MORN4: variants seen among roughly 807,000 people sequenced by gnomAD.
MORN4 encodes the protein MORN repeat containing 4.
Under a neutral mutation model 16.4 loss-of-function variants are expected in MORN4, and 8 were observed. The observed-to-expected ratio is 0.49, with a 90% CI of 0.29 to 0.88. MORN4 has a LOEUF of 0.88. Among genes scored for constraint, MORN4 ranks in the 40% least tolerant of loss-of-function variants. MORN4 has a pLI of 0.09. For synonymous variants in MORN4, 53 were observed against 68.9 expected (o/e 0.77, Z 1.14); for missense variants, 159 against 182.9 (o/e 0.87, Z 0.75).
rs965630295 is a variant in MORN4, at chr10:97,616,844, G to C, written c.183-57C>G. The C allele has an allele frequency of 1.2e-4, 144 of 1,209,010 alleles. 2 individuals are homozygous for C. In the Admixed American group the frequency reaches 2.4e-3, roughly 20 times the overall value. The allele number at this position is 1,209,010 out of a possible 1,614,324, so 74.9% of individuals were successfully genotyped here. On this transcript the variant is annotated intron_variant, in intron 3 of 4. Transcript: ENST00000307450. ...GGAAAGTTAGCTGTCCAGATGAACG[G>C]AGTCGAGCAGCTGCTGATCTCTGTT...
At position 97,617,299 on chromosome 10, in the gene MORN4, G is replaced by C. The variant is rs575114975; in HGVS notation, c.91C>G (p.Leu31Val). 6.2e-7 allele frequency: 1 copy of C among 1,614,164 alleles called. No individual in the cohort carries two copies. Among genetic ancestry groups the C allele is most frequent in the South Asian group, 1.1e-5 (1 of 91,088 alleles). ...KEGRRHGFGQ[L>V]MFADGGTYLG... ...TAGGTGCCACCATCTGCAAACATCA[G>C]TTGACCAAAACCATGCCTGCGGCCT... The change falls in exon 3 of 5, where the codon CTG (leucine) becomes GTG (valine). Residue 31 changes from leucine to valine, a missense_variant. Coordinates refer to ENST00000307450, the MANE Select transcript of MORN4 (RefSeq NM_178832.4).
Position 97,633,417 on chromosome 10 carries a change from A to G in MORN4, c.-101T>C. On this transcript the variant is annotated 5_prime_UTR_variant, in exon 1 of 5. Coordinates refer to ENST00000307450, the MANE Select transcript of MORN4 (RefSeq NM_178832.4). The surrounding 1 kb of genome is among the most constrained non-coding windows in gnomAD (Gnocchi z 4.5). The stretch of plus-strand genomic sequence containing the variant: ...TCCAGCGCCTCGGACTTTTCCTCTG[A>G]TGGGCTCCCGGCTGCCACCTTGCTC... 15 of 1,289,758 alleles carry G rather than the reference A, an allele frequency of 1.2e-5. No individual in the cohort carries two copies. The highest frequency in any genetic ancestry group is 1.5e-5 in the Non-Finnish European group (15 of 988,804). 79.9% of individuals were successfully genotyped at this position (1,289,758 alleles called of 1,614,324 possible).
chr10:97,633,665 A>G (rs942304090), upstream of MORN4: 19 of 1,259,210 alleles, frequency 1.5e-5, no homozygotes, highest in Non-Finnish European at 1.9e-5. This position sits in a 1 kb window ranked among gnomAD's most constrained non-coding sequence, Gnocchi z 4.5. Flanking sequence ...CAACGCAGAT[A>G]AAGACAGAGG....
At chr10:97,617,806 G>C (rs907057294) in intron 2 of MORN4, among the ~76,000 whole-genome samples, 1 of 152,064 alleles carries the variant, frequency 6.6e-6, no homozygotes, top group African/African-American at 2.4e-5. Context: ...GTTTCAGTGA[G>C]CTGAGATCGC....
At chr10:97,626,140 G>T (rs1322748947) in intron 1 of MORN4, among the ~76,000 whole-genome samples, 1 of 151,364 alleles carries the variant, frequency 6.6e-6, no homozygotes, top group Non-Finnish European at 1.5e-5. Flanking sequence ...CAGCACTTTG[G>T]GAGGCTAAGA....
intron 1 of MORN4, among the ~76,000 whole-genome samples, chr10:97,627,010 G>C (rs2041354469): frequency 6.6e-6 from 1 of 151,898 alleles, no homozygotes. Context: ...TCCCGCCTTG[G>C]CCTCCCAAAG....
intron 1 of MORN4, among the ~76,000 whole-genome samples, chr10:97,631,333 GC>G (rs2041393917): frequency 6.6e-6 from 1 of 152,164 alleles, no homozygotes. Flanking sequence ...TAGATGGGTT[GC>G]AAAGGATCAG....
intron 2 of MORN4, among the ~76,000 whole-genome samples, chr10:97,618,021 A>G (rs1218526887): frequency 6.6e-6 from 1 of 151,132 alleles, no homozygotes; most frequent in Admixed American, 6.6e-5. Flanking sequence ...CTAAAACTAC[A>G]AAAAATTAGC....
chr10:97,615,826 T>C lies in MORN4; in HGVS notation c.*437A>G, dbSNP rs1322943400. 6.5e-6 allele frequency: 1 copy of C among 152,952 alleles called. No individual in the cohort carries two copies. The highest frequency in any genetic ancestry group is 1.5e-5 in the Non-Finnish European group (1 of 68,580). The allele number at this position is 152,952 out of a possible 1,614,324, so 9.5% of individuals were successfully genotyped here. On this transcript the variant is annotated 3_prime_UTR_variant, in exon 5 of 5. Transcript: ENST00000307450. Reference sequence around the variant, plus strand: ...TGCTGTACTGAGCCACCCCTATCTTTTCCCTATTTCTCCAGAGTGGCACAG... The same window carrying C: ...TGCTGTACTGAGCCACCCCTATCTTCTCCCTATTTCTCCAGAGTGGCACAG...
chr10:97,618,009 T>A (rs2135734808), intron 2 of MORN4, among the ~76,000 whole-genome samples: 1 of 151,832 alleles, frequency 6.6e-6, no homozygotes, highest in Non-Finnish European at 1.5e-5. Flanking sequence ...ACCCCGTTTC[T>A]ACTAAAACTA....
intron 1 of MORN4, among the ~76,000 whole-genome samples, chr10:97,620,505 AAAG>A (rs1300599625): frequency 0.019 from 1,969 of 104,346 alleles, 140 homozygotes; most frequent in African/African-American, 0.07. Flanking sequence ...AAAAAAAAAA[AAAG>A]AAAAAAAAAA....
chr10:97,616,127 GT>G lies in MORN4; in HGVS notation c.*135del. ...CTGTGGTCCAGTTCTGGAATGGCAG[GT>G]GACAGGGCACATACAAGGCCTCTGC... On this transcript the variant is annotated 3_prime_UTR_variant, in exon 5 of 5. Transcript: ENST00000307450. 1.2e-6 allele frequency: 1 copy of G among 854,112 alleles called. No individual in the cohort carries two copies. The highest frequency in any genetic ancestry group is 1.7e-6 in the Non-Finnish European group (1 of 587,852). The allele number at this position is 854,112 out of a possible 1,614,324, so 52.9% of individuals were successfully genotyped here. A position where few individuals can be genotyped will look rare whatever the true frequency, so the allele number is the denominator to read the frequency against.
chr10:97,623,782 C>T (rs12266310), intron 1 of MORN4, among the ~76,000 whole-genome samples: 20,167 of 150,528 alleles, frequency 0.13, 3,387 homozygotes, highest in African/African-American at 0.39. Context: ...GTTGCCCAGG[C>T]TGGAGTGCAG....
At position 97,616,253 on chromosome 10, in the gene MORN4, C is replaced by T; in HGVS notation, c.*10G>A. ...TACCCAATACTTATCAGCTGGTGCC[C>T]ACTGCGCTGTCAGGCAGTGAGATTT... On this transcript the variant is annotated 3_prime_UTR_variant, in exon 5 of 5. Coordinates refer to ENST00000307450, the MANE Select transcript of MORN4 (RefSeq NM_178832.4). 2 of 1,574,244 alleles carry T rather than the reference C, an allele frequency of 1.3e-6. No individual in the cohort carries two copies. Among genetic ancestry groups the T allele is most frequent in the Non-Finnish European group, 1.7e-6 (2 of 1,161,184 alleles).
chr10:97,628,298 A>T (rs1564768332), intron 1 of MORN4, among the ~76,000 whole-genome samples: 1 of 152,170 alleles, frequency 6.6e-6, no homozygotes. Flanking sequence ...ATTTGGAAGG[A>T]GTTATTGCAG....
intron 2 of MORN4, among the ~76,000 whole-genome samples, chr10:97,619,053 G>A (rs1270383301): frequency 6.6e-6 from 1 of 152,210 alleles, no homozygotes; most frequent in Non-Finnish European, 1.5e-5. Flanking sequence ...GGCCGGGCAT[G>A]GTGGCTGATG....
chr10:97,618,576 C>A (rs998377700), intron 2 of MORN4, among the ~76,000 whole-genome samples: 4 of 152,132 alleles, frequency 2.6e-5, no homozygotes, highest in African/African-American at 9.7e-5. Context: ...GAGAGACTTC[C>A]TGAGGCTCTG....
chr10:97,615,894 G>T lies in MORN4; in HGVS notation c.*369C>A, dbSNP rs2041232586. The stretch of plus-strand genomic sequence containing the variant: ...GGGGCTAGGATCACCTGTCCCCAAA[G>T]CAGCAGAACGAAGGTTCTGTATCAC... On this transcript the variant is annotated 3_prime_UTR_variant, in exon 5 of 5. Coordinates refer to ENST00000307450, the MANE Select transcript of MORN4 (RefSeq NM_178832.4). 6.2e-6 allele frequency: 1 copy of T among 162,298 alleles called. No homozygotes were observed. The highest frequency in any genetic ancestry group is 2.0e-4 in the South Asian group (1 of 4,956). 10.1% of individuals were successfully genotyped at this position (162,298 alleles called of 1,614,324 possible). A position where few individuals can be genotyped will look rare whatever the true frequency, so the allele number is the denominator to read the frequency against.
At chr10:97,632,481 T>C (rs1030198861) in intron 1 of MORN4, among the ~76,000 whole-genome samples, 6 of 152,078 alleles carry the variant, frequency 3.9e-5, no homozygotes, top group African/African-American at 1.4e-4. Context: ...CCTCCCAAAG[T>C]GTTGGGATTA....
Sources: allele counts gnomAD v4.1 joint callset (sites outside exome capture counted in the v4.1 genomes callset), GRCh38; gene constraint gnomAD v4.1.1; non-coding constraint Gnocchi (gnomAD v3.1); transcripts MANE v1.5; gene names NCBI Gene and HGNC (gene_info 2026-07-23, HGNC 2026-07-21).